The following GPC5 variants were observed in gnomAD, a reference collection of about 807,000 sequenced individuals.
The protein encoded by GPC5 is glypican 5.
A neutral mutation model predicts 53.9 loss-of-function variants in GPC5; 47 were observed. The observed-to-expected ratio is 0.87, with a 90% CI of 0.69 to 1.11. GPC5 has a LOEUF of 1.11. Among genes scored for constraint, GPC5 ranks in the 50% most tolerant of loss-of-function variants. The pLI, the probability that GPC5 is intolerant of heterozygous loss-of-function variation, is 0.00. For synonymous variants in GPC5, 286 were observed against 263.3 expected, an observed-to-expected ratio of 1.09 and a Z score of -0.84; for missense variants, 748 against 713.1, an observed-to-expected ratio of 1.05 and a Z score of -0.56.
rs1029747464 is a variant in GPC5, at chr13:92,814,491, T to C, written c.1562-51791T>C. On this transcript the variant is annotated intron_variant, in intron 7 of 7. Transcript: ENST00000377067. Reference sequence around the variant, plus strand: ...GCCTGGCCAACATGGTGAAACCCCGTCTCTACTAAAAATACAAAAATTAGC... The same window carrying C: ...GCCTGGCCAACATGGTGAAACCCCGCCTCTACTAAAAATACAAAAATTAGC... Among the ~76,000 whole-genome samples the C allele has an allele frequency of 2.1e-4, 32 of 151,464 alleles. 1 individual carries two copies. Among genetic ancestry groups the C allele is most frequent in the African/African-American group, 7.1e-4 (29 of 41,026 alleles).
chr13:92,254,039 G>C (rs1038149776), intron 7 of GPC5, among the ~76,000 whole-genome samples: 1 of 152,150 alleles, frequency 6.6e-6, no homozygotes, highest in Non-Finnish European at 1.5e-5. Flanking sequence ...GATAGAGATG[G>C]AAGAAGAAAA....
rs181231143 is a variant in GPC5, at chr13:91,814,188, T to C, written c.1280+57768T>C. Among the ~76,000 whole-genome samples, 694 of 152,212 alleles carry C rather than the reference T, an allele frequency of 4.6e-3. 4 individuals are homozygous for C. Among genetic ancestry groups the C allele is most frequent in the African/African-American group, 0.016 (665 of 41,542 alleles). On this transcript the variant is annotated intron_variant, in intron 5 of 7. Coordinates refer to ENST00000377067, the MANE Select transcript of GPC5 (RefSeq NM_004466.6). ...ACCTTGTGATCTGCCTGCCTCGGCC[T>C]CCCAAAGTGTTGGAATTACAGGCAT...
At chr13:92,010,280 G>A (rs999770227) in intron 6 of GPC5, among the ~76,000 whole-genome samples, 2 of 152,120 alleles carry the variant, frequency 1.3e-5, no homozygotes, top group Non-Finnish European at 2.9e-5. Context: ...CAGCCTCAAA[G>A]TAAAGTATAG....
intron 4 of GPC5, among the ~76,000 whole-genome samples, chr13:91,730,538 A>G (rs1322092016): frequency 6.6e-6 from 1 of 152,182 alleles, no homozygotes; most frequent in African/African-American, 2.4e-5. Context: ...TTGCTAGGTC[A>G]TGGTCAAGTG....
At chr13:91,418,053 G>T (rs549485006) in intron 1 of GPC5, among the ~76,000 whole-genome samples, 2 of 152,174 alleles carry the variant, frequency 1.3e-5, no homozygotes, top group South Asian at 2.1e-4. Context: ...ACTCCATCCT[G>T]CCTGGGACAT....
chr13:92,290,895 C>A (rs541529769), intron 7 of GPC5, among the ~76,000 whole-genome samples: 20 of 152,148 alleles, frequency 1.3e-4, no homozygotes, highest in African/African-American at 4.3e-4. Context: ...GAGGGAGAGG[C>A]GCTGGCGGAA....
intron 7 of GPC5, among the ~76,000 whole-genome samples, chr13:92,564,500 G>T (rs1209652392): frequency 4.0e-5 from 6 of 151,720 alleles, no homozygotes; most frequent in Non-Finnish European, 8.8e-5. Flanking sequence ...TTATTTTTTG[G>T]TGTTTAATTA....
At chr13:92,697,393 C>G (rs1179129261) in intron 7 of GPC5, among the ~76,000 whole-genome samples, 2 of 152,092 alleles carry the variant, frequency 1.3e-5, no homozygotes, top group Non-Finnish European at 2.9e-5. Flanking sequence ...GTTTGTAGTT[C>G]TCCTTGAAGA....
chr13:91,861,944 C>T (rs2039034599), intron 5 of GPC5, among the ~76,000 whole-genome samples: 1 of 151,416 alleles, frequency 6.6e-6, no homozygotes, highest in African/African-American at 2.4e-5. Flanking sequence ...AAACTGATGA[C>T]AGTAACATTT....
At chr13:91,694,828 C>T (rs1050800823) in intron 3 of GPC5, among the ~76,000 whole-genome samples, 5 of 152,182 alleles carry the variant, frequency 3.3e-5, no homozygotes, top group East Asian at 1.9e-4. Flanking sequence ...AGGCTGGTCT[C>T]GAACTCTTGA....
At chr13:91,500,303 T>C (rs1371755747) in intron 2 of GPC5, among the ~76,000 whole-genome samples, 1 of 152,196 alleles carries the variant, frequency 6.6e-6, no homozygotes, top group Admixed American at 6.5e-5. Context: ...GAGGAAGTAA[T>C]GAATGTATAG....
At chr13:92,493,460 A>G (rs1476117195) in intron 7 of GPC5, among the ~76,000 whole-genome samples, 2 of 152,186 alleles carry the variant, frequency 1.3e-5, no homozygotes, top group African/African-American at 2.4e-5. Context: ...TGCACATTCA[A>G]CTGCTCTCAT....
intron 7 of GPC5, among the ~76,000 whole-genome samples, chr13:92,470,750 C>A (rs1192394990): frequency 6.6e-6 from 1 of 152,112 alleles, no homozygotes; most frequent in Non-Finnish European, 1.5e-5. Flanking sequence ...GCAATTTTAA[C>A]CTTCACAATG....
At chr13:91,708,792 G>A (rs1412172187) in intron 3 of GPC5, among the ~76,000 whole-genome samples, 1 of 152,126 alleles carries the variant, frequency 6.6e-6, no homozygotes, top group Non-Finnish European at 1.5e-5. Context: ...CTATGTGTGG[G>A]TTTGTTCTTT....
chr13:92,417,368 A>G (rs1251836447), intron 7 of GPC5, among the ~76,000 whole-genome samples: 2 of 152,206 alleles, frequency 1.3e-5, no homozygotes, highest in South Asian at 2.1e-4. Context: ...GAGAGGATGT[A>G]GGGAAATTAG....
chr13:92,476,270 G>A (rs537989720), intron 7 of GPC5, among the ~76,000 whole-genome samples: 1 of 152,266 alleles, frequency 6.6e-6, no homozygotes, highest in Admixed American at 6.5e-5. Context: ...AGACATTTAT[G>A]CAGCCAAAAA....
chr13:92,049,127 T>G (rs1425881778), intron 6 of GPC5, among the ~76,000 whole-genome samples: 1 of 152,150 alleles, frequency 6.6e-6, no homozygotes, highest in East Asian at 1.9e-4. Flanking sequence ...TTATTAATAA[T>G]CAATGACTTC....
intron 6 of GPC5, chr13:91,995,692 T>C (rs1347193919): frequency 6.6e-6 from 1 of 152,254 alleles, no homozygotes; most frequent in Non-Finnish European, 1.5e-5. Flanking sequence ...GTTGTTTCTC[T>C]AAACAACTTA....
intron 7 of GPC5, among the ~76,000 whole-genome samples, chr13:92,443,109 A>G (rs7996390): frequency 0.62 from 94,188 of 151,982 alleles, 29,446 homozygotes; most frequent in East Asian, 0.74. Context: ...GCTTATAATC[A>G]TGATGGAAGG....
Sources: allele counts gnomAD v4.1 joint callset (sites outside exome capture counted in the v4.1 genomes callset), GRCh38; gene constraint gnomAD v4.1.1; transcripts MANE v1.5; gene names NCBI Gene and HGNC (gene_info 2026-07-23, HGNC 2026-07-21).